Variants in VAV2 observed in about 807,000 individuals in gnomAD.
The protein encoded by VAV2 is vav guanine nucleotide exchange factor 2.
Under a neutral mutation model 132.5 loss-of-function variants are expected in VAV2, and 67 were observed. That is an observed-to-expected ratio of 0.51 (90% CI 0.42 to 0.62). VAV2 has a LOEUF of 0.62. VAV2 is among the 20% of genes least tolerant of loss of function. The probability of loss-of-function intolerance (pLI) is 0.00; values close to 1 mark genes in which losing one functional copy is unlikely to be tolerated. For missense variants in VAV2, 938 were observed against 1,153.6 expected, an observed-to-expected ratio of 0.81 and a Z score of 2.71; for synonymous variants, 492 against 443.5, an observed-to-expected ratio of 1.11 and a Z score of -1.37.
intron 24 of VAV2, 114 bp from the exon 25 acceptor site, chr9:133,775,165 A>C (rs1833770480): frequency 8.4e-6 from 7 of 829,400 alleles, no homozygotes; most frequent in Admixed American, 2.7e-5. Context: ...CTCATCTGAG[A>C]GCTCATCTCC....
intron 4 of VAV2, among the ~76,000 whole-genome samples, chr9:133,814,610 GA>G (rs1335129057): frequency 6.6e-6 from 1 of 152,218 alleles, no homozygotes; most frequent in African/African-American, 2.4e-5. Flanking sequence ...TGATGACATG[GA>G]TCAAAAACGG....
At chr9:133,965,747 C>T (rs1252331348) in intron 1 of VAV2, among the ~76,000 whole-genome samples, 6 of 152,080 alleles carry the variant, frequency 3.9e-5, no homozygotes, top group East Asian at 3.8e-4. Flanking sequence ...TATCAAAATA[C>T]CAATGACATT....
At chr9:133,877,200 G>A (rs1395097758) in intron 2 of VAV2, among the ~76,000 whole-genome samples, 1 of 152,256 alleles carries the variant, frequency 6.6e-6, no homozygotes, top group East Asian at 1.9e-4. Context: ...GGCTGTACGA[G>A]GAGAGGCTCC....
intron 2 of VAV2, among the ~76,000 whole-genome samples, chr9:133,904,610 C>T (rs887763567): frequency 6.6e-6 from 1 of 152,254 alleles, no homozygotes; most frequent in South Asian, 2.1e-4. Flanking sequence ...TGCAGCACAC[C>T]CTCTCCCAGT....
intron 3 of VAV2, among the ~76,000 whole-genome samples, chr9:133,860,579 A>G (rs563759090): frequency 7.9e-5 from 12 of 152,208 alleles, no homozygotes; most frequent in Non-Finnish European, 1.3e-4. Flanking sequence ...TCCCAAAGTC[A>G]GGGCACCCTC....
Position 133,863,399 on chromosome 9 carries a change from C to A in VAV2, c.322-1967G>T, listed in dbSNP as rs1193164173. Among the ~76,000 whole-genome samples, 1 of 152,158 alleles carries A rather than the reference C, an allele frequency of 6.6e-6. No homozygotes were observed. Among genetic ancestry groups the A allele is most frequent in the Admixed American group, 6.5e-5 (1 of 15,278 alleles). ...CCTGTTTGTCAACCTGGAGTCAGCGCAAAGGCCCCAGGTCGGGTCGTACAG... is the reference window on the plus strand; with the variant it reads ...CCTGTTTGTCAACCTGGAGTCAGCGAAAAGGCCCCAGGTCGGGTCGTACAG... On this transcript the variant is annotated intron_variant, in intron 2 of 29. Coordinates refer to ENST00000371850, the MANE Select transcript of VAV2 (RefSeq NM_001134398.2). This position sits in a 1 kb window ranked among gnomAD's most constrained non-coding sequence, Gnocchi z 5.0.
intron 1 of VAV2, among the ~76,000 whole-genome samples, chr9:133,960,031 C>T (rs945873721): frequency 2.6e-5 from 4 of 152,224 alleles, no homozygotes; most frequent in Non-Finnish European, 4.4e-5. Context: ...GCCGGGAACA[C>T]GGGTGCCCCC....
intron 2 of VAV2, among the ~76,000 whole-genome samples, chr9:133,917,408 G>A (rs976721857): frequency 6.7e-6 from 1 of 150,188 alleles, no homozygotes; most frequent in Non-Finnish European, 1.5e-5. Flanking sequence ...CAGAGAGCTG[G>A]GAACCCATCA....
chr9:133,939,118 C>A lies in VAV2; in HGVS notation c.306G>T (p.Val102=). Reference sequence around the variant, plus strand: ...GACTGCTCACCTTTCCAAAGTCTCGCACATCGAAGAGGTCAAAGGGGTCAA... The same window carrying A: ...GACTGCTCACCTTTCCAAAGTCTCGAACATCGAAGAGGTCAAAGGGGTCAA... ...ELFDPFDLFD[V]RDFGKVISAV... The change falls in exon 2 of 30, where the codon GTG becomes GTT. Residue 102 remains valine (V), a synonymous_variant. Coordinates refer to ENST00000371850, the MANE Select transcript of VAV2 (RefSeq NM_001134398.2). The A allele has an allele frequency of 6.2e-7, 1 of 1,614,188 alleles. No homozygotes were observed. Among genetic ancestry groups the A allele is most frequent in the Non-Finnish European group, 8.5e-7 (1 of 1,180,010 alleles).
At chr9:133,793,346 C>A (rs1834574822) in intron 12 of VAV2, among the ~76,000 whole-genome samples, 1 of 152,164 alleles carries the variant, frequency 6.6e-6, no homozygotes, top group Non-Finnish European at 1.5e-5. Context: ...AGAGCCAGGT[C>A]TTCAGCAGGT....
At chr9:133,787,880 G>A (rs1006643194) in intron 15 of VAV2, among the ~76,000 whole-genome samples, 1 of 149,752 alleles carries the variant, frequency 6.7e-6, no homozygotes, top group Non-Finnish European at 1.5e-5. Context: ...GCCCCAGCCA[G>A]CTACATGTAG....
At chr9:133,977,211 C>T (rs1026544394) in intron 1 of VAV2, among the ~76,000 whole-genome samples, 6 of 152,218 alleles carry the variant, frequency 3.9e-5, no homozygotes, top group African/African-American at 1.4e-4. Context: ...CGAGGACCTC[C>T]GGCATCCAAT....
Position 133,794,867 on chromosome 9 carries a change from G to A in VAV2, c.1101+801C>T, listed in dbSNP as rs1026123521. Among the ~76,000 whole-genome samples, 2 of 152,214 alleles carry A rather than the reference G, an allele frequency of 1.3e-5. No homozygotes were observed. The highest frequency in any genetic ancestry group is 4.8e-5 in the African/African-American group (2 of 41,456). ...GTCCAGGAGGAAGAGTGCCACCCAC[G>A]AGGAAGCCAGTTCCCTGAGGACAGA... is the stretch of plus-strand genomic sequence containing the variant. On this transcript the variant is annotated intron_variant, in intron 12 of 29. Coordinates refer to ENST00000371850, the MANE Select transcript of VAV2 (RefSeq NM_001134398.2). This position sits in a 1 kb window ranked among gnomAD's most constrained non-coding sequence, Gnocchi z 4.6.
chr9:133,921,710 C>A (rs1041147523), intron 2 of VAV2, among the ~76,000 whole-genome samples: 1 of 152,248 alleles, frequency 6.6e-6, no homozygotes, highest in East Asian at 1.9e-4. Context: ...AGGCCCTGCT[C>A]CCCTGACCAA....
At position 133,802,421 on chromosome 9, in the gene VAV2, C is replaced by T. The variant is rs576847773; in HGVS notation, c.836+3660G>A. On this transcript the variant is annotated intron_variant, in intron 9 of 29. Coordinates refer to ENST00000371850, the MANE Select transcript of VAV2 (RefSeq NM_001134398.2). The surrounding 1 kb of genome is among the most constrained non-coding windows in gnomAD (Gnocchi z 5.8). The stretch of plus-strand genomic sequence containing the variant: ...GGCAGCCTCCCCCTCCCCCGCCCCA[C>T]TCCGGCTGACTCCTCCCCTGGAGAA... 1.1e-4 allele frequency among the ~76,000 whole-genome samples: 16 copies of T among 151,544 alleles called. No individual in the cohort carries two copies. The highest frequency in any genetic ancestry group is 7.2e-5 in the African/African-American group (3 of 41,384).
chr9:133,906,346 T>A (rs917186868), intron 2 of VAV2, among the ~76,000 whole-genome samples: 1 of 152,212 alleles, frequency 6.6e-6, no homozygotes, highest in Non-Finnish European at 1.5e-5. Flanking sequence ...AATCGTGGTG[T>A]TGACAATGTG....
chr9:133,824,039 G>A lies in VAV2; in HGVS notation c.449+10233C>T, dbSNP rs1835892374. Reference sequence around the variant, plus strand: ...GAAGCCCCCAGCCACGTGGCAGCAGGGCCTCTGGAGACAGCTGGGGCCCAC... The same window carrying A: ...GAAGCCCCCAGCCACGTGGCAGCAGAGCCTCTGGAGACAGCTGGGGCCCAC... On this transcript the variant is annotated intron_variant, in intron 4 of 29. Coordinates refer to ENST00000371850, the MANE Select transcript of VAV2 (RefSeq NM_001134398.2). This position sits in a 1 kb window ranked among gnomAD's most constrained non-coding sequence, Gnocchi z 5.2. 6.6e-6 allele frequency among the ~76,000 whole-genome samples: 1 copy of A among 152,106 alleles called. No individual in the cohort carries two copies. The highest frequency in any genetic ancestry group is 6.5e-5 in the Admixed American group (1 of 15,278).
At chr9:133,786,063 G>A (rs2023664) in intron 16 of VAV2, 178 bp from the exon 17 acceptor site, 381,640 of 670,994 alleles carry the variant, frequency 0.57, 109,324 homozygotes, top group East Asian at 0.62. Context: ...TGCCCATGCT[G>A]TACGTGCACA....
chr9:133,853,574 A>G (rs2510254), intron 3 of VAV2, among the ~76,000 whole-genome samples: 38,902 of 151,970 alleles, frequency 0.26, 7,047 homozygotes, highest in African/African-American at 0.52. Context: ...GGGAACGGCC[A>G]AGCGGAGTCT....
Sources: allele counts gnomAD v4.1 joint callset (sites outside exome capture counted in the v4.1 genomes callset), GRCh38; gene constraint gnomAD v4.1.1; non-coding constraint Gnocchi (gnomAD v3.1); transcripts MANE v1.5; gene names NCBI Gene and HGNC (gene_info 2026-07-23, HGNC 2026-07-21).